Variants in PPARGC1A observed in about 807,000 individuals in gnomAD.
The protein encoded by PPARGC1A is peroxisome proliferator-activated receptor gamma coactivator 1-alpha.
PPARGC1A carries 25 observed loss-of-function variants against 88.7 expected under a neutral mutation model. The observed-to-expected ratio is 0.28, with a 90% CI of 0.21 to 0.39. The LOEUF is 0.39. Among genes scored for constraint, PPARGC1A ranks in the 10% least tolerant of loss-of-function variants. The pLI, the probability that PPARGC1A is intolerant of heterozygous loss-of-function variation, is 1.00. For missense variants in PPARGC1A, 880 were observed against 968.7 expected, an observed-to-expected ratio of 0.91 and a Z score of 1.22; for synonymous variants, 363 against 355.6, an observed-to-expected ratio of 1.02 and a Z score of -0.24.
chr4:24,268,537 A>G, the PPARGC1A span, among the ~76,000 whole-genome samples: 13 of 152,198 alleles, frequency 8.5e-5, no homozygotes, highest in African/African-American at 2.9e-4. Flanking sequence ...TAAGTAATAC[A>G]AGGTGCATGC....
the PPARGC1A span, among the ~76,000 whole-genome samples, chr4:23,915,902 C>T: frequency 3.9e-5 from 6 of 152,206 alleles, no homozygotes; most frequent in Admixed American, 1.3e-4. Flanking sequence ...AAGGCCACCA[C>T]CCCCTCCCTG....
At chr4:23,801,435 CACAT>C (rs1345529891) in intron 12 of PPARGC1A, among the ~76,000 whole-genome samples, 1 of 152,060 alleles carries the variant, frequency 6.6e-6, no homozygotes. Flanking sequence ...ACACACAACA[CACAT>C]ACAGAAATCA....
chr4:24,421,763 T>C, the PPARGC1A span, among the ~76,000 whole-genome samples: 1 of 152,200 alleles, frequency 6.6e-6, no homozygotes, highest in Non-Finnish European at 1.5e-5. Flanking sequence ...TACTGAAATC[T>C]GAGAGTCAAA....
At chr4:24,027,338 A>G in the PPARGC1A span, among the ~76,000 whole-genome samples, 1 of 152,088 alleles carries the variant, frequency 6.6e-6, no homozygotes, top group African/African-American at 2.4e-5. Flanking sequence ...ACTTTGGTTC[A>G]GTTCTTACTA....
the PPARGC1A span, among the ~76,000 whole-genome samples, chr4:24,266,704 A>C: frequency 1.3e-5 from 2 of 152,162 alleles, no homozygotes; most frequent in African/African-American, 2.4e-5. Flanking sequence ...TGAGCCTTGA[A>C]TAATGAGGAC....
chr4:24,463,328 C>T, the PPARGC1A span, among the ~76,000 whole-genome samples: 1 of 152,096 alleles, frequency 6.6e-6, no homozygotes, highest in Admixed American at 6.5e-5. Flanking sequence ...CCCACTTTTC[C>T]TTTTTTACTG....
In PPARGC1A at chr4:23,793,140, T is replaced by C. The variant is rs1386562654; in HGVS notation, c.*2682A>G. Reference sequence around the variant, plus strand: ...AACACATAATAGGATTTACTAAATCTCGATTTCTTAAAAATAATTTATTGC... The same window carrying C: ...AACACATAATAGGATTTACTAAATCCCGATTTCTTAAAAATAATTTATTGC... On this transcript the variant is annotated 3_prime_UTR_variant, in exon 13 of 13. Coordinates refer to ENST00000264867, the MANE Select transcript of PPARGC1A (RefSeq NM_013261.5). The C allele has an allele frequency of 1.3e-5, 2 of 152,588 alleles. No homozygotes were observed. The highest frequency in any genetic ancestry group is 4.8e-5 in the African/African-American group (2 of 41,448). 9.5% of individuals were successfully genotyped at this position (152,588 alleles called of 1,614,324 possible).
the PPARGC1A span, among the ~76,000 whole-genome samples, chr4:24,362,395 T>TGGA: frequency 2.7e-5 from 4 of 150,506 alleles, no homozygotes; most frequent in Non-Finnish European, 5.9e-5. Context: ...GATGGATGGA[T>TGGA]TTATTGAGAG....
At chr4:24,312,358 A>G in the PPARGC1A span, among the ~76,000 whole-genome samples, 1 of 150,988 alleles carries the variant, frequency 6.6e-6, no homozygotes, top group African/African-American at 2.4e-5. Flanking sequence ...TTCATTCCCA[A>G]ATTAACTCAA....
the PPARGC1A span, among the ~76,000 whole-genome samples, chr4:24,208,479 A>G: frequency 6.6e-6 from 1 of 152,106 alleles, no homozygotes; most frequent in Admixed American, 6.5e-5. Context: ...GTGTGATAGT[A>G]AAACAGACCA....
the PPARGC1A span, among the ~76,000 whole-genome samples, chr4:24,430,806 T>A: frequency 6.6e-6 from 1 of 151,896 alleles, no homozygotes; most frequent in African/African-American, 2.4e-5. Context: ...GAGTCTGAAG[T>A]AAGGCACAGA....
chr4:23,997,736 C>A, the PPARGC1A span, among the ~76,000 whole-genome samples: 2 of 152,034 alleles, frequency 1.3e-5, no homozygotes, highest in Non-Finnish European at 1.5e-5. Context: ...AGGCAATCCA[C>A]CTGCCTCAGC....
the PPARGC1A span, among the ~76,000 whole-genome samples, chr4:24,166,153 C>A: frequency 1.3e-5 from 2 of 152,192 alleles, no homozygotes; most frequent in African/African-American, 4.8e-5. Flanking sequence ...AAGATTAAAC[C>A]AGCCACAACA....
chr4:24,278,403 G>GTATT, the PPARGC1A span, among the ~76,000 whole-genome samples: 18 of 152,128 alleles, frequency 1.2e-4, no homozygotes, highest in Non-Finnish European at 2.5e-4. Flanking sequence ...CTAATAAGAT[G>GTATT]TATTTATTTA....
chr4:24,232,850 A>G, the PPARGC1A span, among the ~76,000 whole-genome samples: 470 of 152,366 alleles, frequency 3.1e-3, 3 homozygotes, highest in African/African-American at 0.011. Context: ...AGAAGTAGTA[A>G]CATTTTGGCT....
At chr4:24,203,550 G>T in the PPARGC1A span, among the ~76,000 whole-genome samples, 1 of 130,544 alleles carries the variant, frequency 7.7e-6, no homozygotes, top group African/African-American at 2.6e-5. Context: ...GAAAACAAAA[G>T]AAAAAGACAG....
chr4:24,264,212 T>C, the PPARGC1A span, among the ~76,000 whole-genome samples: 1 of 152,174 alleles, frequency 6.6e-6, no homozygotes, highest in Non-Finnish European at 1.5e-5. Flanking sequence ...TCAAAAGTTA[T>C]ACCCAGATTT....
the PPARGC1A span, chr4:24,091,664 G>A: frequency 2.0e-6 from 2 of 984,122 alleles, no homozygotes; most frequent in Non-Finnish European, 2.4e-6. Context: ...CATGCCAGAG[G>A]ATGAGGGATC....
chr4:23,946,039 T>C, the PPARGC1A span, among the ~76,000 whole-genome samples: 1 of 151,984 alleles, frequency 6.6e-6, no homozygotes, highest in Non-Finnish European at 1.5e-5. Flanking sequence ...GAATCCGCTG[T>C]CTCTATATCA....
Sources: allele counts gnomAD v4.1 joint callset (sites outside exome capture counted in the v4.1 genomes callset), GRCh38; gene constraint gnomAD v4.1.1; transcripts MANE v1.5; gene names NCBI Gene and HGNC (gene_info 2026-07-23, HGNC 2026-07-21).